Variants in SYT9 observed in about 807,000 individuals in gnomAD.
SYT9 encodes synaptotagmin-9.
A neutral mutation model predicts 48.4 loss-of-function variants in SYT9; 22 were observed. That is an observed-to-expected ratio of 0.45 (90% CI 0.32 to 0.65). The LOEUF (loss-of-function observed/expected upper bound fraction) is 0.65, where lower values mean the gene tolerates loss of function less well. Among genes scored for constraint, SYT9 ranks in the 30% least tolerant of loss-of-function variants. The pLI is 0.03. For missense variants in SYT9, 577 were observed against 622.0 expected (o/e 0.93, Z 0.77); for synonymous variants, 265 against 245.0 (o/e 1.08, Z -0.76).
intron 1 of SYT9, among the ~76,000 whole-genome samples, chr11:7,267,196 T>C (rs1449145401): frequency 6.6e-6 from 1 of 152,014 alleles, no homozygotes; most frequent in East Asian, 1.9e-4. Flanking sequence ...ACTTTATAAA[T>C]TAGAAAAATT....
At chr11:7,243,255 C>A (rs1228233177) in intron 1 of SYT9, among the ~76,000 whole-genome samples, 1 of 152,138 alleles carries the variant, frequency 6.6e-6, no homozygotes, top group Non-Finnish European at 1.5e-5. Flanking sequence ...TAAGAACCAA[C>A]ATGAAAGTTG....
intron 6 of SYT9, among the ~76,000 whole-genome samples, chr11:7,466,417 G>A (rs1234746652): frequency 6.6e-6 from 1 of 152,154 alleles, no homozygotes; most frequent in African/African-American, 2.4e-5. Context: ...CACTTGTTTG[G>A]TGCACATTAA....
chr11:7,284,747 T>C (rs1272597520), intron 1 of SYT9, among the ~76,000 whole-genome samples: 1 of 152,138 alleles, frequency 6.6e-6, no homozygotes, highest in Non-Finnish European at 1.5e-5. Context: ...GAAATGTTAT[T>C]TTTTTTGCCA....
At chr11:7,400,126 T>C (rs188396505) in intron 3 of SYT9, among the ~76,000 whole-genome samples, 6 of 152,320 alleles carry the variant, frequency 3.9e-5, no homozygotes, top group Non-Finnish European at 7.4e-5. Context: ...AAACACTTTC[T>C]TGCACAGCAT....
intron 2 of SYT9, among the ~76,000 whole-genome samples, chr11:7,308,724 G>T (rs140821988): frequency 1.2e-4 from 18 of 152,196 alleles, no homozygotes; most frequent in Admixed American, 9.8e-4. Flanking sequence ...CTCATCACCC[G>T]CCTGGACAGC....
At chr11:7,342,560 GCT>G (rs1849731911) in intron 3 of SYT9, among the ~76,000 whole-genome samples, 2 of 152,212 alleles carry the variant, frequency 1.3e-5, no homozygotes, top group African/African-American at 4.8e-5. Flanking sequence ...GTCTTGGGCA[GCT>G]CTGCCCCTGT....
At chr11:7,324,861 T>C (rs535367380) in intron 3 of SYT9, among the ~76,000 whole-genome samples, 30 of 152,218 alleles carry the variant, frequency 2.0e-4, no homozygotes, top group African/African-American at 7.0e-4. Flanking sequence ...CTCACTCATA[T>C]CTACATCTTG....
At chr11:7,321,071 G>C (rs1167085977) in intron 3 of SYT9, among the ~76,000 whole-genome samples, 1 of 152,120 alleles carries the variant, frequency 6.6e-6, no homozygotes, top group Non-Finnish European at 1.5e-5. Context: ...TTCGGAGACT[G>C]TCTCTGGGAG....
At chr11:7,424,010 G>C (rs1012641081) in intron 6 of SYT9, among the ~76,000 whole-genome samples, 1 of 152,146 alleles carries the variant, frequency 6.6e-6, no homozygotes, top group South Asian at 2.1e-4. Context: ...GAGGGAGAGA[G>C]AACGAAGATG....
chr11:7,415,411 C>T (rs1046638752), intron 3 of SYT9, among the ~76,000 whole-genome samples: 2 of 152,072 alleles, frequency 1.3e-5, no homozygotes, highest in African/African-American at 4.8e-5. Flanking sequence ...GTGTGCTGAG[C>T]TCTGTGGCAT....
In SYT9 at chr11:7,468,855, G is replaced by T. The variant is rs1481942578; in HGVS notation, c.*2055G>T. ...AAGGTGGCTTTGTAGGGGCAAGCAG[G>T]CAAAGAGTACTATCCACATGGCAGG... On this transcript the variant is annotated 3_prime_UTR_variant, in exon 7 of 7. Coordinates refer to ENST00000318881, the MANE Select transcript of SYT9 (RefSeq NM_175733.4). 2.0e-5 allele frequency: 3 copies of T among 152,298 alleles called. No homozygotes were observed. The highest frequency in any genetic ancestry group is 6.6e-5 in the Admixed American group (1 of 15,264). The allele number at this position is 152,298 out of a possible 1,614,324, so 9.4% of individuals were successfully genotyped here.
intron 3 of SYT9, among the ~76,000 whole-genome samples, chr11:7,318,913 A>T (rs1405190294): frequency 6.6e-6 from 1 of 152,192 alleles, no homozygotes; most frequent in East Asian, 1.9e-4. Flanking sequence ...CTCATGAGTG[A>T]TGCATGTAAT....
intron 1 of SYT9, among the ~76,000 whole-genome samples, chr11:7,279,218 G>A (rs1848449688): frequency 6.6e-6 from 1 of 152,172 alleles, no homozygotes; most frequent in Non-Finnish European, 1.5e-5. Context: ...TGGTTTGAGA[G>A]CACTAAGGAA....
chr11:7,244,650 GA>G (rs1277463623), intron 1 of SYT9, among the ~76,000 whole-genome samples: 1 of 152,226 alleles, frequency 6.6e-6, no homozygotes, highest in Non-Finnish European at 1.5e-5. Context: ...GGTTCACTGA[GA>G]ACCAGTCATG....
chr11:7,244,572 A>G (rs1468557649), intron 1 of SYT9, among the ~76,000 whole-genome samples: 1 of 152,208 alleles, frequency 6.6e-6, no homozygotes, highest in Non-Finnish European at 1.5e-5. Flanking sequence ...TAGAATGAAT[A>G]CCTTTTTTGG....
At chr11:7,258,506 A>G (rs1042330683) in intron 1 of SYT9, among the ~76,000 whole-genome samples, 4 of 152,118 alleles carry the variant, frequency 2.6e-5, no homozygotes, top group African/African-American at 9.7e-5. Flanking sequence ...ATGGCCTTGC[A>G]CATGTATTTT....
chr11:7,308,476 A>G (rs2220370), intron 2 of SYT9, among the ~76,000 whole-genome samples: 149,574 of 152,304 alleles, frequency 0.98, 73,508 homozygotes, highest in Middle Eastern at 1. Context: ...GTGGGTGTAT[A>G]TGAGGGACTC....
chr11:7,287,911 C>T (rs922218339), intron 1 of SYT9, among the ~76,000 whole-genome samples: 7 of 152,034 alleles, frequency 4.6e-5, no homozygotes, highest in Non-Finnish European at 1.0e-4. Context: ...TTTATTGTTT[C>T]CTTATTATAT....
intron 4 of SYT9, among the ~76,000 whole-genome samples, chr11:7,416,598 A>G (rs1447225345): frequency 6.6e-6 from 1 of 152,240 alleles, no homozygotes; most frequent in Non-Finnish European, 1.5e-5. Context: ...ATACAGTATA[A>G]CAACTATTTA....
Sources: allele counts gnomAD v4.1 joint callset (sites outside exome capture counted in the v4.1 genomes callset), GRCh38; gene constraint gnomAD v4.1.1; transcripts MANE v1.5; gene names NCBI Gene and HGNC (gene_info 2026-07-23, HGNC 2026-07-21).